The following FAAH2 variants were observed in gnomAD, a reference collection of about 807,000 sequenced individuals.
FAAH2 encodes fatty acid amide hydrolase 2, also known as fatty-acid amide hydrolase 2.
FAAH2 carries 60 observed loss-of-function variants against 36.9 expected under a neutral mutation model. The observed-to-expected ratio is 1.63, with a 90% CI of 1.32 to 2.02. FAAH2 has a LOEUF of 2.02. Ranked by LOEUF, FAAH2 falls within the 30% of genes most tolerant of loss-of-function variation. The pLI is 0.00. For missense variants in FAAH2, 689 were observed against 397.5 expected, an observed-to-expected ratio of 1.73 and a Z score of -6.23; for synonymous variants, 214 against 143.8, an observed-to-expected ratio of 1.49 and a Z score of -3.49.
Position 57,376,156 on chromosome X carries a change from G to A in FAAH2, c.743-2495G>A, listed in dbSNP as rs1372730691. 2.7e-5 allele frequency among the ~76,000 whole-genome samples: 3 copies of A among 111,166 alleles called. No homozygotes were observed. The East Asian group carries it at 8.5e-4, about 31-fold the overall frequency. ...TACTATATCTATACAATCTGTAATA[G>A]TATCCCTTTTTCATTCATGATACTG... On this transcript the variant is annotated intron_variant, in intron 5 of 10. Transcript: ENST00000374900.
the FAAH2 span, among the ~76,000 whole-genome samples, chrX:57,173,430 G>C: frequency 8.9e-6 from 1 of 112,159 alleles, no homozygotes; most frequent in Non-Finnish European, 1.9e-5. Flanking sequence ...CATTACTTTT[G>C]TAATCAGACT....
the FAAH2 span, among the ~76,000 whole-genome samples, chrX:57,233,115 A>G: frequency 2.7e-5 from 3 of 112,047 alleles, no homozygotes; most frequent in Non-Finnish European, 5.6e-5. Context: ...ATGTAGATCA[A>G]TAACTGTCTT....
chrX:57,270,598 A>G, the FAAH2 span, among the ~76,000 whole-genome samples: 2 of 111,888 alleles, frequency 1.8e-5, no homozygotes, highest in South Asian at 7.6e-4. Flanking sequence ...TCGATGCAGA[A>G]GGTGGGTGAT....
chrX:57,354,207 T>C (rs1038092304), intron 5 of FAAH2, among the ~76,000 whole-genome samples: 2 of 110,927 alleles, frequency 1.8e-5, no homozygotes, highest in African/African-American at 6.5e-5. Flanking sequence ...CAACATATGA[T>C]TGGATAAATA....
the FAAH2 span, among the ~76,000 whole-genome samples, chrX:57,260,743 ATGTG>A: frequency 2.7e-5 from 3 of 109,704 alleles, no homozygotes; most frequent in Admixed American, 2.0e-4. Context: ...ATCAAAGGAT[ATGTG>A]TGTGTGTGTG....
chrX:57,394,150 G>A lies in FAAH2; in HGVS notation c.996+13121G>A, dbSNP rs1159543552. ...GAAGATTAAACTCTTCCATAGGAAT[G>A]ACCTGGGAGTAGCCGCCTCCTGCAA... On this transcript the variant is annotated intron_variant, in intron 7 of 10. Transcript: ENST00000374900. The A allele has an allele frequency of 2.5e-5, 17 of 672,903 alleles. No individual in the cohort carries two copies. The South Asian group carries it at 3.4e-4, about 14-fold the overall frequency. The allele number at this position is 672,903 out of a possible 1,213,427, so 55.5% of individuals were successfully genotyped here. A position where few individuals can be genotyped will look rare whatever the true frequency, so the allele number is the denominator to read the frequency against.
chrX:57,344,220 T>C (rs1004636295), intron 5 of FAAH2, among the ~76,000 whole-genome samples: 1 of 110,767 alleles, frequency 9.0e-6, no homozygotes, highest in Admixed American at 9.6e-5. Flanking sequence ...ATTTTAATGA[T>C]ATTGATTCTT....
chrX:57,285,264 G>C (rs2051793701), upstream of FAAH2, among the ~76,000 whole-genome samples: 1 of 111,687 alleles, frequency 9.0e-6, no homozygotes, highest in African/African-American at 3.3e-5. Context: ...CAGTGACCTG[G>C]ATGACGTTGT....
chrX:57,135,041 G>GCCTT, the FAAH2 span: 1 of 110,851 alleles, frequency 9.0e-6, no homozygotes, highest in Non-Finnish European at 1.9e-5. Context: ...ATTTTCCTGG[G>GCCTT]CCTTCCGATC....
chrX:57,346,852 T>C (rs1400228940), intron 5 of FAAH2, among the ~76,000 whole-genome samples: 9 of 111,503 alleles, frequency 8.1e-5, no homozygotes, highest in Non-Finnish European at 1.3e-4. Context: ...AAATCCTTAG[T>C]TGGAATTTCT....
intron 2 of FAAH2, among the ~76,000 whole-genome samples, chrX:57,308,022 A>T (rs1172779554): frequency 9.0e-6 from 1 of 111,302 alleles, no homozygotes; most frequent in Non-Finnish European, 1.9e-5. Context: ...TATACACCAA[A>T]TTTTCTTTAT....
chrX:57,143,670 G>C, the FAAH2 span, among the ~76,000 whole-genome samples: 1 of 110,473 alleles, frequency 9.1e-6, no homozygotes, highest in African/African-American at 3.3e-5. Flanking sequence ...TAGACAGGGG[G>C]TTTCTCCATG....
At chrX:57,145,370 G>C in the FAAH2 span, among the ~76,000 whole-genome samples, 3 of 110,552 alleles carry the variant, frequency 2.7e-5, no homozygotes, top group Non-Finnish European at 5.7e-5. Context: ...TGAGAATTGT[G>C]TATTTATGTC....
intron 5 of FAAH2, among the ~76,000 whole-genome samples, chrX:57,344,589 C>A (rs956765375): frequency 2.7e-5 from 3 of 111,085 alleles, no homozygotes; most frequent in Admixed American, 9.6e-5. Context: ...CTTTCTCATG[C>A]CTAAATGCTC....
intron 10 of FAAH2, among the ~76,000 whole-genome samples, chrX:57,472,480 C>T (rs899773361): frequency 3.6e-5 from 4 of 111,633 alleles, no homozygotes; most frequent in African/African-American, 1.3e-4. Flanking sequence ...CGTGGAGATA[C>T]TGGATTTGTA....
At chrX:57,231,322 G>T in the FAAH2 span, among the ~76,000 whole-genome samples, 2 of 110,492 alleles carry the variant, frequency 1.8e-5, no homozygotes, top group Non-Finnish European at 3.8e-5. Context: ...GTCACCAAAA[G>T]TACAGATCTT....
At chrX:57,408,345 A>C (rs138848280) in intron 7 of FAAH2, among the ~76,000 whole-genome samples, 1 of 110,764 alleles carries the variant, frequency 9.0e-6, no homozygotes, top group African/African-American at 3.3e-5. Flanking sequence ...AATGTTATAT[A>C]GTTATTAATG....
the FAAH2 span, among the ~76,000 whole-genome samples, chrX:57,143,364 G>A: frequency 9.0e-6 from 1 of 110,560 alleles, no homozygotes; most frequent in Non-Finnish European, 1.9e-5. Context: ...GGACGATGGT[G>A]GAGAAAAAAA....
chrX:57,255,851 T>A, the FAAH2 span, among the ~76,000 whole-genome samples: 1 of 111,823 alleles, frequency 8.9e-6, no homozygotes, highest in East Asian at 2.8e-4. Context: ...AAGCATTTCC[T>A]TGGAAAACTG....
Sources: allele counts gnomAD v4.1 joint callset (sites outside exome capture counted in the v4.1 genomes callset), GRCh38; gene constraint gnomAD v4.1.1; transcripts MANE v1.5; gene names NCBI Gene and HGNC (gene_info 2026-07-23, HGNC 2026-07-21).